The following CHSY3 variants were observed in gnomAD, a reference collection of about 807,000 sequenced individuals.
CHSY3 encodes N-acetylgalactosaminyl-proteoglycan 3-beta-glucuronosyltransferase 3.
In CHSY3, 35 loss-of-function variants were observed where a neutral mutation model predicts 67.2. That is an observed-to-expected ratio of 0.52 (90% CI 0.40 to 0.69). CHSY3 has a LOEUF of 0.69. Among genes scored for constraint, CHSY3 ranks in the 30% least tolerant of loss-of-function variants. The probability of loss-of-function intolerance (pLI) is 0.00; values close to 1 mark genes in which losing one functional copy is unlikely to be tolerated. For synonymous variants in CHSY3, 474 were observed against 434.7 expected, an observed-to-expected ratio of 1.09 and a Z score of -1.12; for missense variants, 1,069 against 1,138.5, an observed-to-expected ratio of 0.94 and a Z score of 0.88.
At chr5:130,158,899 C>T (rs1168861912) in intron 2 of CHSY3, among the ~76,000 whole-genome samples, 1 of 152,044 alleles carries the variant, frequency 6.6e-6, no homozygotes, top group East Asian at 1.9e-4. Context: ...TCCTAGGGCT[C>T]AGGCGATCTT....
chr5:129,937,892 A>G (rs1322138500), intron 2 of CHSY3, among the ~76,000 whole-genome samples: 1 of 152,100 alleles, frequency 6.6e-6, no homozygotes, highest in Non-Finnish European at 1.5e-5. Flanking sequence ...GTGGCTATGC[A>G]GGGTACAGCC....
chr5:130,091,136 GCA>G (rs1439806303), intron 2 of CHSY3, among the ~76,000 whole-genome samples: 1 of 74,444 alleles, frequency 1.3e-5, no homozygotes, highest in Non-Finnish European at 3.0e-5. Context: ...ACACACACAC[GCA>G]CACGCGCGCA....
chr5:130,049,855 T>C (rs1445642212), intron 2 of CHSY3, among the ~76,000 whole-genome samples: 1 of 151,914 alleles, frequency 6.6e-6, no homozygotes, highest in African/African-American at 2.4e-5. Context: ...GCTCTTCTGC[T>C]TCATAAAGTT....
At position 129,993,178 on chromosome 5, in the gene CHSY3, C is replaced by A. The variant is rs1763419489; in HGVS notation, c.1086+84818C>A. On this transcript the variant is annotated intron_variant, in intron 2 of 2. Transcript: ENST00000305031. ...CTCAAGTTTATATGGCAAATTAATT[C>A]ATGTTGGAGCCAAGATTCTAGTTCT... Among the ~76,000 whole-genome samples the A allele has an allele frequency of 2.0e-5, 3 of 152,192 alleles. No homozygotes were observed. In the South Asian group the frequency reaches 6.2e-4, roughly 32 times the overall value.
At position 130,040,607 on chromosome 5, in the gene CHSY3, C is replaced by T. The variant is rs536716598; in HGVS notation, c.1086+132247C>T. ...AATGCTTTCAATATTATGTCATGTA[C>T]AGCTGTAAATAATAACTTGCAACTA... On this transcript the variant is annotated intron_variant, in intron 2 of 2. Coordinates refer to ENST00000305031, the MANE Select transcript of CHSY3 (RefSeq NM_175856.5). Among the ~76,000 whole-genome samples the T allele has an allele frequency of 2.6e-5, 4 of 152,188 alleles. No individual in the cohort carries two copies. In the South Asian group the frequency reaches 8.3e-4, roughly 32 times the overall value.
intron 2 of CHSY3, among the ~76,000 whole-genome samples, chr5:129,971,225 A>G (rs1020318619): frequency 6.6e-6 from 1 of 151,904 alleles, no homozygotes. Flanking sequence ...GGGAGTGTAC[A>G]TTTTACATTT....
At position 130,044,112 on chromosome 5, in the gene CHSY3, G is replaced by C. The variant is rs115628484; in HGVS notation, c.1086+135752G>C. Among the ~76,000 whole-genome samples, 410 of 152,172 alleles carry C rather than the reference G, an allele frequency of 2.7e-3. 2 individuals carry two copies. Among genetic ancestry groups the C allele is most frequent in the African/African-American group, 9.4e-3 (391 of 41,524 alleles). ...TATAAAAGGCATTTAAAGGCCCAGGGTGAGATAAGTTTACTTGAAGAAGAA... is the reference window on the plus strand; with the variant it reads ...TATAAAAGGCATTTAAAGGCCCAGGCTGAGATAAGTTTACTTGAAGAAGAA... On this transcript the variant is annotated intron_variant, in intron 2 of 2. Coordinates refer to ENST00000305031, the MANE Select transcript of CHSY3 (RefSeq NM_175856.5).
chr5:130,073,445 G>A (rs767709150), intron 2 of CHSY3, among the ~76,000 whole-genome samples: 2 of 151,830 alleles, frequency 1.3e-5, no homozygotes, highest in African/African-American at 2.4e-5. Flanking sequence ...ATGCTACCAC[G>A]CCTGACTAGT....
intron 2 of CHSY3, among the ~76,000 whole-genome samples, chr5:130,179,342 C>T (rs1046573242): frequency 5.9e-4 from 89 of 152,068 alleles, no homozygotes; most frequent in African/African-American, 1.8e-3. Flanking sequence ...TTTTTCCAGT[C>T]ACTCTAAGCA....
chr5:129,989,342 A>C (rs1162259152), intron 2 of CHSY3, among the ~76,000 whole-genome samples: 1 of 149,848 alleles, frequency 6.7e-6, no homozygotes, highest in Non-Finnish European at 1.5e-5. Context: ...GCTCAGTGCA[A>C]CCTCTGCCTC....
intron 2 of CHSY3, among the ~76,000 whole-genome samples, chr5:130,066,319 G>A (rs564181532): frequency 2.0e-5 from 3 of 152,030 alleles, no homozygotes; most frequent in South Asian, 2.1e-4. Context: ...AAATAATACC[G>A]CATGATGAAT....
At chr5:130,163,069 C>A (rs960610646) in intron 2 of CHSY3, among the ~76,000 whole-genome samples, 4 of 152,120 alleles carry the variant, frequency 2.6e-5, no homozygotes, top group African/African-American at 9.7e-5. Context: ...AGCCCTACCC[C>A]ACCCATGAAG....
intron 2 of CHSY3, among the ~76,000 whole-genome samples, chr5:129,934,031 C>A (rs1282229440): frequency 6.6e-6 from 1 of 151,940 alleles, no homozygotes; most frequent in African/African-American, 2.4e-5. Flanking sequence ...AGTTATTTAT[C>A]CTAAGGAAAC....
chr5:130,158,155 T>C (rs1364870383), intron 2 of CHSY3, among the ~76,000 whole-genome samples: 2 of 152,198 alleles, frequency 1.3e-5, no homozygotes, highest in Non-Finnish European at 2.9e-5. Context: ...TGATTTCCTA[T>C]CTCATCCTGT....
At chr5:130,039,027 A>G (rs1256939761) in intron 2 of CHSY3, among the ~76,000 whole-genome samples, 1 of 152,178 alleles carries the variant, frequency 6.6e-6, no homozygotes, top group Non-Finnish European at 1.5e-5. Flanking sequence ...AAAAATTATT[A>G]GAGAAGAAAG....
intron 2 of CHSY3, among the ~76,000 whole-genome samples, chr5:130,075,657 A>G (rs1766226091): frequency 6.6e-6 from 1 of 152,158 alleles, no homozygotes; most frequent in South Asian, 2.1e-4. Flanking sequence ...CATATGTATA[A>G]TAAAATGCAA....
chr5:130,100,377 A>G (rs999435345), intron 2 of CHSY3, among the ~76,000 whole-genome samples: 1 of 124,016 alleles, frequency 8.1e-6, no homozygotes, highest in Non-Finnish European at 1.7e-5. Flanking sequence ...TTGTATTTTT[A>G]GTAGAGACGG....
chr5:129,968,322 T>A (rs1762524661), intron 2 of CHSY3, among the ~76,000 whole-genome samples: 1 of 151,888 alleles, frequency 6.6e-6, no homozygotes, highest in Non-Finnish European at 1.5e-5. Flanking sequence ...GAACATATAT[T>A]TTCAAGTTGT....
chr5:130,007,948 C>G lies in CHSY3; in HGVS notation c.1086+99588C>G, dbSNP rs73785850. 7.3e-3 allele frequency among the ~76,000 whole-genome samples: 1,110 copies of G among 152,242 alleles called. 12 individuals are homozygous for G. Among genetic ancestry groups the G allele is most frequent in the African/African-American group, 0.025 (1,054 of 41,540 alleles). ...CACATCTTAAAAGCCACTACCATAG[C>G]TTTTTTACTGACAGACCTTGGCTAA... is the stretch of plus-strand genomic sequence containing the variant. On this transcript the variant is annotated intron_variant, in intron 2 of 2. Coordinates refer to ENST00000305031, the MANE Select transcript of CHSY3 (RefSeq NM_175856.5).
Sources: allele counts gnomAD v4.1 joint callset (sites outside exome capture counted in the v4.1 genomes callset), GRCh38; gene constraint gnomAD v4.1.1; transcripts MANE v1.5; gene names NCBI Gene and HGNC (gene_info 2026-07-23, HGNC 2026-07-21).